Variants in ADCY2 observed in about 807,000 individuals in gnomAD.
ADCY2 encodes the protein adenylate cyclase 2, also known as adenylate cyclase type 2.
A neutral mutation model predicts 125.2 loss-of-function variants in ADCY2; 31 were observed. That is an observed-to-expected ratio of 0.25 (90% CI 0.19 to 0.33). ADCY2 has a LOEUF of 0.33. ADCY2 is among the 10% of genes least tolerant of loss of function. ADCY2 has a pLI of 1.00. For synonymous variants in ADCY2, 512 were observed against 548.4 expected (o/e 0.93, Z 0.93); for missense variants, 904 against 1,418.2 (o/e 0.64, Z 5.82).
At chr5:7,704,003 A>G (rs1741177426) in intron 7 of ADCY2, among the ~76,000 whole-genome samples, 1 of 151,128 alleles carries the variant, frequency 6.6e-6, no homozygotes, top group Admixed American at 6.6e-5. Flanking sequence ...TTCTGTCCAA[A>G]AAAAAAAAAA....
chr5:7,594,207 G>A (rs558027070), intron 3 of ADCY2, among the ~76,000 whole-genome samples: 1 of 152,316 alleles, frequency 6.6e-6, no homozygotes, highest in African/African-American at 2.4e-5. Context: ...CAGTTTAGAG[G>A]CCACTGCAAA....
intron 23 of ADCY2, 129 bp from the exon 24 acceptor site, chr5:7,820,436 G>A: frequency 2.5e-6 from 3 of 1,208,086 alleles, no homozygotes; most frequent in Non-Finnish European, 3.4e-6. Flanking sequence ...GAAGGTTGCA[G>A]TCAGCCAAGA....
chr5:7,565,186 G>A (rs2126592980), intron 3 of ADCY2, among the ~76,000 whole-genome samples: 1 of 152,284 alleles, frequency 6.6e-6, no homozygotes, highest in South Asian at 2.1e-4. Flanking sequence ...CTCCTTGCTG[G>A]GCTCCTTCAG....
At chr5:7,488,355 A>C (rs1743023524) in intron 2 of ADCY2, among the ~76,000 whole-genome samples, 2 of 152,112 alleles carry the variant, frequency 1.3e-5, no homozygotes, top group South Asian at 4.2e-4. Context: ...TCTTTCCTTG[A>C]TAAATTACCC....
intron 3 of ADCY2, among the ~76,000 whole-genome samples, chr5:7,545,826 A>G (rs1380895634): frequency 1.3e-5 from 2 of 152,046 alleles, no homozygotes; most frequent in Non-Finnish European, 2.9e-5. Context: ...TCCCTTCCGT[A>G]TGGGCAGTTC....
In ADCY2 at chr5:7,718,294, G is replaced by A. The variant is rs777191697; in HGVS notation, c.1703+1057G>A. On this transcript the variant is annotated intron_variant, in intron 12 of 24. Transcript: ENST00000338316. ...CTCCCAAGTAGCTGGGATTACAGGC[G>A]ATCGCCACCACACCTAGCTAATTTT... Among the ~76,000 whole-genome samples the A allele has an allele frequency of 1.1e-4, 17 of 151,934 alleles. No homozygotes were observed. In the East Asian group the frequency reaches 1.9e-3, roughly 17 times the overall value.
chr5:7,645,577 G>A (rs1210760790), intron 4 of ADCY2, among the ~76,000 whole-genome samples: 3 of 152,158 alleles, frequency 2.0e-5, no homozygotes, highest in Non-Finnish European at 4.4e-5. Context: ...GGTTACCAGT[G>A]AGTGAACAAA....
At chr5:7,525,747 C>T (rs1269827612) in intron 3 of ADCY2, among the ~76,000 whole-genome samples, 1 of 152,104 alleles carries the variant, frequency 6.6e-6, no homozygotes, top group East Asian at 1.9e-4. Context: ...AGGTTTCACT[C>T]CAGTTTTTGC....
intron 2 of ADCY2, among the ~76,000 whole-genome samples, chr5:7,445,755 G>T (rs1272354185): frequency 3.3e-5 from 5 of 152,078 alleles, no homozygotes; most frequent in African/African-American, 1.2e-4. Context: ...TTATGTAAAA[G>T]ATATTTTCTA....
intron 4 of ADCY2, among the ~76,000 whole-genome samples, chr5:7,679,014 C>G (rs914895060): frequency 2.0e-5 from 3 of 152,218 alleles, no homozygotes; most frequent in Admixed American, 6.5e-5. Flanking sequence ...GTACTGGGAA[C>G]AAAATATTGA....
chr5:7,504,519 C>A (rs1743726324), intron 2 of ADCY2, among the ~76,000 whole-genome samples: 1 of 152,006 alleles, frequency 6.6e-6, no homozygotes, highest in African/African-American at 2.4e-5. Flanking sequence ...ATAGTAAAGT[C>A]ATTATCACCT....
intron 3 of ADCY2, among the ~76,000 whole-genome samples, chr5:7,583,448 C>T (rs933527473): frequency 1.3e-5 from 2 of 151,946 alleles, no homozygotes; most frequent in Non-Finnish European, 2.9e-5. Flanking sequence ...ATTCAGGATA[C>T]AGTGGTCCTA....
At chr5:7,477,812 C>T (rs927696024) in intron 2 of ADCY2, among the ~76,000 whole-genome samples, 7 of 152,060 alleles carry the variant, frequency 4.6e-5, no homozygotes, top group East Asian at 1.9e-4. Context: ...CTGTCATCGT[C>T]GCCGTATCAC....
At chr5:7,665,838 T>G (rs1364733506) in intron 4 of ADCY2, among the ~76,000 whole-genome samples, 2 of 110,038 alleles carry the variant, frequency 1.8e-5, no homozygotes, top group Non-Finnish European at 3.8e-5. Context: ...CTTTTTTTTT[T>G]TTTTTTTTTT....
intron 5 of ADCY2, among the ~76,000 whole-genome samples, 193 bp from the exon 6 acceptor site, chr5:7,695,559 G>A (rs1240357281): frequency 6.6e-6 from 1 of 151,866 alleles, no homozygotes; most frequent in Non-Finnish European, 1.5e-5. Flanking sequence ...AACTACAAAA[G>A]TTTAACCTCA....
chr5:7,432,261 T>A (rs1740632369), intron 2 of ADCY2, among the ~76,000 whole-genome samples: 1 of 151,744 alleles, frequency 6.6e-6, no homozygotes, highest in Non-Finnish European at 1.5e-5. Context: ...CATCTCCGAT[T>A]TGTTTGTGGG....
chr5:7,456,850 G>C (rs1395075147), intron 2 of ADCY2, among the ~76,000 whole-genome samples: 2 of 152,182 alleles, frequency 1.3e-5, no homozygotes, highest in Non-Finnish European at 2.9e-5. Context: ...GGTTTTAAAA[G>C]AGATGTGTTT....
intron 7 of ADCY2, among the ~76,000 whole-genome samples, chr5:7,700,719 C>CCA (rs56197160): frequency 0.26 from 25,663 of 97,826 alleles, 3,946 homozygotes; most frequent in Non-Finnish European, 0.35. Flanking sequence ...CTCGCACCCA[C>CCA]CACACACACA....
At chr5:7,404,357 G>A (rs1359038443) in intron 1 of ADCY2, among the ~76,000 whole-genome samples, 8 of 151,554 alleles carry the variant, frequency 5.3e-5, no homozygotes, top group African/African-American at 1.2e-4. Flanking sequence ...CTCCTGTTAC[G>A]TCAGTCAGAA....
Sources: allele counts gnomAD v4.1 joint callset (sites outside exome capture counted in the v4.1 genomes callset), GRCh38; gene constraint gnomAD v4.1.1; transcripts MANE v1.5; gene names NCBI Gene and HGNC (gene_info 2026-07-23, HGNC 2026-07-21).